NRXN1: variants seen among roughly 807,000 people sequenced by gnomAD.
NRXN1 encodes neurexin-1.
Under a neutral mutation model 150.9 loss-of-function variants are expected in NRXN1, and 39 were observed. The ratio of observed to expected loss-of-function variants is 0.26; its 90% CI spans 0.20 to 0.34. The LOEUF is 0.34. NRXN1 is among the 10% of genes least tolerant of loss of function. The probability of loss-of-function intolerance (pLI) is 1.00; values close to 1 mark genes in which losing one functional copy is unlikely to be tolerated. For missense variants in NRXN1, 1,815 were observed against 1,949.9 expected (o/e 0.93, Z 1.30); for synonymous variants, 924 against 757.0 (o/e 1.22, Z -3.62).
intron 18 of NRXN1, among the ~76,000 whole-genome samples, chr2:50,093,507 C>A (rs967793102): frequency 6.7e-6 from 1 of 150,322 alleles, no homozygotes; most frequent in South Asian, 2.1e-4. Flanking sequence ...TGGTGGCACA[C>A]ACCTGTATTC....
At chr2:50,574,850 T>C (rs1671159396) in intron 8 of NRXN1, among the ~76,000 whole-genome samples, 3 of 152,202 alleles carry the variant, frequency 2.0e-5, no homozygotes. Flanking sequence ...GGGCAGCCAT[T>C]TGAATCAGGG....
intron 5 of NRXN1, among the ~76,000 whole-genome samples, chr2:50,654,283 G>A (rs892873025): frequency 7.1e-6 from 1 of 140,030 alleles, no homozygotes. Flanking sequence ...GTGGTGTTTG[G>A]TTTTTTTGTC....
intron 5 of NRXN1, among the ~76,000 whole-genome samples, chr2:50,869,835 G>C (rs1236351555): frequency 6.6e-6 from 1 of 151,802 alleles, no homozygotes; most frequent in Non-Finnish European, 1.5e-5. Context: ...GAAATTTCTA[G>C]TTAATTGACA....
intron 8 of NRXN1, among the ~76,000 whole-genome samples, chr2:50,565,041 A>G (rs1389812843): frequency 6.6e-6 from 1 of 152,192 alleles, no homozygotes; most frequent in Non-Finnish European, 1.5e-5. Flanking sequence ...GTTTTTGCCA[A>G]CAAAAATTCA....
At chr2:50,374,162 T>TG (rs1304117224) in intron 17 of NRXN1, among the ~76,000 whole-genome samples, 1 of 151,112 alleles carries the variant, frequency 6.6e-6, no homozygotes, top group African/African-American at 2.4e-5. Flanking sequence ...CCGGCTGTAG[T>TG]GGGGGCACAC....
At position 50,250,410 on chromosome 2, in the gene NRXN1, TA is replaced by T. The variant is rs369813693; in HGVS notation, c.3365-13441del. On this transcript the variant is annotated intron_variant, in intron 17 of 22. Coordinates refer to ENST00000401669, the MANE Select transcript of NRXN1 (RefSeq NM_001330078.2). Reference sequence around the variant, plus strand: ...CAGGAGTAGGTTGTAGATCCACTTATATAAATGGAAAGTCACTTTTTAATAT... The same window carrying T: ...CAGGAGTAGGTTGTAGATCCACTTATTAAATGGAAAGTCACTTTTTAATAT... Among the ~76,000 whole-genome samples the T allele has an allele frequency of 2.7e-5, 4 of 149,960 alleles. No individual in the cohort carries two copies. The South Asian group carries it at 8.5e-4, about 32-fold the overall frequency.
chr2:50,126,416 G>A (rs1205561334), intron 18 of NRXN1, among the ~76,000 whole-genome samples: 1 of 151,914 alleles, frequency 6.6e-6, no homozygotes, highest in Non-Finnish European at 1.5e-5. Flanking sequence ...CATACTAAAT[G>A]TAATGGAGAT....
chr2:50,853,460 A>C (rs1674807550), intron 5 of NRXN1, among the ~76,000 whole-genome samples: 1 of 152,092 alleles, frequency 6.6e-6, no homozygotes, highest in Non-Finnish European at 1.5e-5. Context: ...TTTACTTGCA[A>C]ATTTACAAAG....
rs553447520 is a variant in NRXN1, at chr2:50,045,505, C to T, written c.4128+7766G>A. ...GACTACAGGCGCGTGCCACCATGCCCGGCTAATTTTTGTACTTTTCCTTCC... is the reference window on the plus strand; with the variant it reads ...GACTACAGGCGCGTGCCACCATGCCTGGCTAATTTTTGTACTTTTCCTTCC... On this transcript the variant is annotated intron_variant, in intron 21 of 22. Transcript: ENST00000401669. 2.2e-4 allele frequency among the ~76,000 whole-genome samples: 34 copies of T among 152,134 alleles called. 1 individual carries two copies. In the South Asian group the frequency reaches 3.1e-3, roughly 14 times the overall value.
At chr2:50,040,411 G>GA (rs1267773482) in intron 21 of NRXN1, among the ~76,000 whole-genome samples, 1 of 151,214 alleles carries the variant, frequency 6.6e-6, no homozygotes, top group African/African-American at 2.4e-5. Flanking sequence ...TCACAGGAGA[G>GA]AAAAAAGCAA....
At chr2:50,243,267 A>G (rs2066192112) in intron 17 of NRXN1, among the ~76,000 whole-genome samples, 1 of 151,788 alleles carries the variant, frequency 6.6e-6, no homozygotes, top group South Asian at 2.1e-4. Context: ...GTATTAAAAC[A>G]TCACTATAAG....
At chr2:50,979,790 T>C (rs1189637079) in intron 2 of NRXN1, among the ~76,000 whole-genome samples, 1 of 152,120 alleles carries the variant, frequency 6.6e-6, no homozygotes, top group African/African-American at 2.4e-5. Flanking sequence ...CCATTCAATA[T>C]ATTCATTTAT....
chr2:50,219,968 T>C (rs1188483285), intron 18 of NRXN1, among the ~76,000 whole-genome samples: 3 of 52,994 alleles, frequency 5.7e-5, no homozygotes, highest in African/African-American at 5.1e-4. Context: ...ATATATTATA[T>C]ATATATAATA....
chr2:50,847,215 C>T (rs941222929), intron 5 of NRXN1, among the ~76,000 whole-genome samples: 26 of 151,996 alleles, frequency 1.7e-4, no homozygotes, highest in Non-Finnish European at 3.4e-4. Context: ...CTTCCTACTT[C>T]AGTGTTCTTT....
intron 18 of NRXN1, among the ~76,000 whole-genome samples, chr2:50,234,372 T>A (rs1259501251): frequency 6.6e-6 from 1 of 152,002 alleles, no homozygotes; most frequent in Non-Finnish European, 1.5e-5. Context: ...TGGGCACCTG[T>A]AATCCTAGAT....
intron 21 of NRXN1, among the ~76,000 whole-genome samples, chr2:50,021,381 T>A (rs768250): frequency 2.1e-4 from 32 of 152,064 alleles, no homozygotes; most frequent in African/African-American, 6.8e-4. Flanking sequence ...TGGAAACTTC[T>A]TTTGGTTGGA....
chr2:50,603,576 C>A (rs1283303031), intron 8 of NRXN1, among the ~76,000 whole-genome samples: 1 of 152,108 alleles, frequency 6.6e-6, no homozygotes, highest in African/African-American at 2.4e-5. Context: ...GTAGAAAATT[C>A]TTGTCTCTCT....
intron 5 of NRXN1, among the ~76,000 whole-genome samples, chr2:50,764,007 C>T (rs1023256983): frequency 2.0e-5 from 3 of 150,496 alleles, no homozygotes; most frequent in Non-Finnish European, 3.0e-5. Context: ...AAGACTGTGA[C>T]ACATCCGTTG....
At chr2:50,622,387 G>A (rs1258731075) in intron 6 of NRXN1, among the ~76,000 whole-genome samples, 1 of 152,154 alleles carries the variant, frequency 6.6e-6, no homozygotes, top group Non-Finnish European at 1.5e-5. Flanking sequence ...CGGTCATTCT[G>A]CAACTGTTCA....
Sources: allele counts gnomAD v4.1 joint callset (sites outside exome capture counted in the v4.1 genomes callset), GRCh38; gene constraint gnomAD v4.1.1; transcripts MANE v1.5; gene names NCBI Gene and HGNC (gene_info 2026-07-23, HGNC 2026-07-21).